LARGE1: variants seen among roughly 807,000 people sequenced by gnomAD.
LARGE1 encodes LARGE xylosyl- and glucuronyltransferase 1.
In LARGE1, 43 loss-of-function variants were observed where a neutral mutation model predicts 87.6. The observed-to-expected ratio is 0.49, with a 90% CI of 0.38 to 0.63. LARGE1 has a LOEUF of 0.63. LARGE1 is among the 30% of genes least tolerant of loss of function. LARGE1 has a pLI of 0.00. For synonymous variants in LARGE1, 434 were observed against 394.6 expected, an observed-to-expected ratio of 1.10 and a Z score of -1.18; for missense variants, 802 against 1,000.2, an observed-to-expected ratio of 0.80 and a Z score of 2.67.
At chr22:33,881,272 T>A (rs1184878919) in intron 1 of LARGE1, among the ~76,000 whole-genome samples, 1 of 152,068 alleles carries the variant, frequency 6.6e-6, no homozygotes, top group East Asian at 1.9e-4. Context: ...AACAAGCAAC[T>A]TGCTCAAAGC....
At chr22:33,572,322 T>G in intron 5 of LARGE1, 1 of 510,094 alleles carries the variant, frequency 2.0e-6, no homozygotes, top group Non-Finnish European at 3.0e-6. Flanking sequence ...GAAACAGAAG[T>G]GGGGCGGGGC....
chr22:33,909,389 G>A (rs945290213), intron 1 of LARGE1, among the ~76,000 whole-genome samples: 2 of 151,936 alleles, frequency 1.3e-5, no homozygotes, highest in Non-Finnish European at 2.9e-5. Flanking sequence ...ATCTCTCCCC[G>A]CTTCAATTTG....
chr22:33,917,262 C>T (rs1034107961), intron 1 of LARGE1, among the ~76,000 whole-genome samples: 2 of 152,144 alleles, frequency 1.3e-5, no homozygotes, highest in Non-Finnish European at 2.9e-5. Context: ...CCTGTCTCCC[C>T]GCTACTCCCA....
intron 1 of LARGE1, among the ~76,000 whole-genome samples, chr22:33,800,695 A>G (rs1251387956): frequency 6.6e-6 from 1 of 152,202 alleles, no homozygotes; most frequent in East Asian, 1.9e-4. Context: ...AATAGCCTTT[A>G]GCCCCATCTC....
At chr22:33,114,043 C>CTCTTTTTTTTT in the LARGE1 span, among the ~76,000 whole-genome samples, 1 of 82,662 alleles carries the variant, frequency 1.2e-5, no homozygotes, top group African/African-American at 5.3e-5. Flanking sequence ...GCTAATTTTT[C>CTCTTTTTTTTT]TATTTTTTTT....
chr22:33,108,204 C>A, the LARGE1 span, among the ~76,000 whole-genome samples: 2 of 152,224 alleles, frequency 1.3e-5, no homozygotes, highest in Non-Finnish European at 2.9e-5. Context: ...GTGTACTCAT[C>A]CTAATTGTGA....
intron 2 of LARGE1, among the ~76,000 whole-genome samples, chr22:33,739,298 A>G (rs1022017205): frequency 2.0e-5 from 3 of 152,030 alleles, no homozygotes; most frequent in African/African-American, 7.2e-5. Context: ...TAATTTCTTG[A>G]TGAACTCTCG....
At chr22:33,553,258 C>A (rs2077581437) in intron 6 of LARGE1, among the ~76,000 whole-genome samples, 1 of 152,084 alleles carries the variant, frequency 6.6e-6, no homozygotes, top group African/African-American at 2.4e-5. Context: ...GTAATCCCAG[C>A]ACTTTGGGAA....
chr22:33,646,459 G>T (rs1365187217), intron 3 of LARGE1, among the ~76,000 whole-genome samples: 1 of 152,076 alleles, frequency 6.6e-6, no homozygotes, highest in Non-Finnish European at 1.5e-5. Flanking sequence ...GGGAGGGAGA[G>T]CACTAGGACA....
chr22:33,743,143 G>A (rs1296862813), intron 2 of LARGE1: 1 of 151,976 alleles, frequency 6.6e-6, no homozygotes, highest in Non-Finnish European at 1.5e-5. Context: ...AGCACCCTGA[G>A]GCCTCCCCAG....
chr22:33,520,958 A>G (rs149145597), intron 6 of LARGE1, among the ~76,000 whole-genome samples: 1 of 152,194 alleles, frequency 6.6e-6, no homozygotes, highest in Non-Finnish European at 1.5e-5. Context: ...TGTTGTTTAC[A>G]TGTGTCTGTC....
chr22:33,543,022 T>A (rs1354563353), intron 6 of LARGE1, among the ~76,000 whole-genome samples: 2 of 152,192 alleles, frequency 1.3e-5, no homozygotes, highest in Non-Finnish European at 2.9e-5. Context: ...CTTTCCTACA[T>A]GTGTGCATGT....
At chr22:33,498,425 C>G (rs76087432) in intron 6 of LARGE1, among the ~76,000 whole-genome samples, 3,928 of 152,226 alleles carry the variant, frequency 0.026, 172 homozygotes, top group African/African-American at 0.09. Context: ...ATCTTCTTCT[C>G]CAGAACAGTC....
chr22:33,546,913 T>G (rs1458421486), intron 6 of LARGE1, among the ~76,000 whole-genome samples: 1 of 152,240 alleles, frequency 6.6e-6, no homozygotes, highest in Non-Finnish European at 1.5e-5. Context: ...AACTCGGTAC[T>G]GATTTAGAGA....
intron 7 of LARGE1, among the ~76,000 whole-genome samples, chr22:33,428,256 C>A (rs1452385753): frequency 6.6e-6 from 1 of 151,560 alleles, no homozygotes; most frequent in Admixed American, 6.6e-5. Flanking sequence ...CTGGATCAGG[C>A]TAGGCTCATT....
intron 1 of LARGE1, among the ~76,000 whole-genome samples, chr22:33,891,554 C>A (rs2065007807): frequency 6.6e-6 from 1 of 152,144 alleles, no homozygotes; most frequent in Non-Finnish European, 1.5e-5. Context: ...TTACCCTTCT[C>A]TGGCTTGGTT....
At chr22:33,189,375 G>C (rs1923657322) in intron 11 of LARGE1, among the ~76,000 whole-genome samples, 1 of 152,112 alleles carries the variant, frequency 6.6e-6, no homozygotes. Context: ...CCCTAGTCAA[G>C]GTGGTGATGG....
chr22:33,796,522 G>A (rs1434611928), intron 1 of LARGE1, among the ~76,000 whole-genome samples: 1 of 152,036 alleles, frequency 6.6e-6, no homozygotes, highest in Non-Finnish European at 1.5e-5. Flanking sequence ...TAATCCAGAA[G>A]ACTCGTAAGA....
the LARGE1 span, among the ~76,000 whole-genome samples, chr22:33,068,890 C>G: frequency 1.3e-5 from 2 of 152,286 alleles, no homozygotes. Context: ...GGAAAAGGGG[C>G]TCTCTGGGTG....
Sources: gnomAD v4.1 joint callset for allele counts (sites outside exome capture counted in the v4.1 genomes callset) on GRCh38, gnomAD v4.1.1 for gene constraint, MANE v1.5 for transcripts, NCBI Gene and HGNC (gene_info 2026-07-23, HGNC 2026-07-21) for gene names.